The following POU6F2 variants were observed in gnomAD, a reference collection of about 807,000 sequenced individuals.
POU6F2 encodes POU domain, class 6, transcription factor 2.
POU6F2 carries 31 observed loss-of-function variants against 71.3 expected under a neutral mutation model. The observed-to-expected ratio is 0.43, with a 90% CI of 0.33 to 0.59. The LOEUF (loss-of-function observed/expected upper bound fraction) is 0.59. POU6F2 is among the 20% of genes least tolerant of loss of function. POU6F2 has a pLI of 0.04. For synonymous variants in POU6F2, 347 were observed against 355.7 expected (o/e 0.98, Z 0.27); for missense variants, 783 against 856.8 (o/e 0.91, Z 1.07).
Position 38,990,327 on chromosome 7 carries a change from T to C in POU6F2, c.105+12269T>C, listed in dbSNP as rs530655901. Among the ~76,000 whole-genome samples, 325 of 152,280 alleles carry C rather than the reference T, an allele frequency of 2.1e-3. 2 individuals are homozygous for C. The highest frequency in any genetic ancestry group is 0.01 in the Middle Eastern group (3 of 294). ...TATCTGGCTGTTTTCAACTAACCTT[T>C]TTCCTGTCAAATGGCATTTTAAACA... On this transcript the variant is annotated intron_variant, in intron 1 of 9. Coordinates refer to ENST00000518318, the MANE Select transcript of POU6F2 (RefSeq NM_001370959.1).
chr7:39,349,955 G>A (rs557391647), intron 5 of POU6F2, among the ~76,000 whole-genome samples: 2 of 152,292 alleles, frequency 1.3e-5, no homozygotes, highest in East Asian at 3.9e-4. Flanking sequence ...TTGGCCACTC[G>A]GTAGGGATGC....
chr7:39,236,728 A>T (rs537917564), intron 4 of POU6F2, among the ~76,000 whole-genome samples: 1 of 152,276 alleles, frequency 6.6e-6, no homozygotes, highest in African/African-American at 2.4e-5. Context: ...CAAATATCTC[A>T]TATACAATTC....
intron 5 of POU6F2, among the ~76,000 whole-genome samples, chr7:39,372,498 C>T (rs1445059430): frequency 2.0e-5 from 3 of 152,180 alleles, no homozygotes; most frequent in Non-Finnish European, 4.4e-5. Flanking sequence ...GGTGAGCAGG[C>T]AGAAGAATTC....
intron 4 of POU6F2, among the ~76,000 whole-genome samples, chr7:39,262,321 G>A (rs536370967): frequency 5.3e-5 from 8 of 152,268 alleles, no homozygotes; most frequent in African/African-American, 9.6e-5. Flanking sequence ...GGATCTGAAC[G>A]GCTCCAGTGA....
At chr7:39,334,397 A>T (rs182127831) in intron 4 of POU6F2, among the ~76,000 whole-genome samples, 3 of 152,190 alleles carry the variant, frequency 2.0e-5, no homozygotes, top group Non-Finnish European at 4.4e-5. Flanking sequence ...CCTCTGGAGT[A>T]CAATGTTCAA....
At chr7:39,049,441 T>C (rs1790361596) in intron 1 of POU6F2, among the ~76,000 whole-genome samples, 1 of 152,046 alleles carries the variant, frequency 6.6e-6, no homozygotes, top group Non-Finnish European at 1.5e-5. Context: ...AAGTGTGTTG[T>C]TTAATTTCCA....
intron 4 of POU6F2, among the ~76,000 whole-genome samples, chr7:39,290,250 C>T (rs1784726495): frequency 6.6e-6 from 1 of 152,176 alleles, no homozygotes; most frequent in South Asian, 2.1e-4. Flanking sequence ...TACTTGTCCC[C>T]ACCCATCCCC....
Position 39,464,234 on chromosome 7 carries a change from A to T in POU6F2, c.1711A>T (p.Thr571Ser). The T allele has an allele frequency of 6.2e-7, 1 of 1,613,944 alleles. No individual in the cohort carries two copies. Among genetic ancestry groups the T allele is most frequent in the Non-Finnish European group, 8.5e-7 (1 of 1,179,864 alleles). Residue 571 changes from threonine to serine, a missense_variant, in exon 10 of 10, where the codon ACT (threonine) becomes TCT (serine). Transcript: ENST00000518318. The surrounding 1 kb of genome is among the most constrained non-coding windows in gnomAD (Gnocchi z 4.1). ...CCTACCACAGGAAGCCCAAGAGAACACTATAGCTAGCAGTCTGACAGCCAA... is the reference window on the plus strand; with the variant it reads ...CCTACCACAGGAAGCCCAAGAGAACTCTATAGCTAGCAGTCTGACAGCCAA... ...FFLPQEAQEN[T>S]IASSLTAKLN...
chr7:39,194,687 A>C (rs911351158), intron 2 of POU6F2, among the ~76,000 whole-genome samples: 1 of 152,216 alleles, frequency 6.6e-6, no homozygotes, highest in South Asian at 2.1e-4. Flanking sequence ...GTCCCCTTCT[A>C]CGCTGTGGGA....
chr7:38,983,864 A>G (rs1453215302), intron 1 of POU6F2, among the ~76,000 whole-genome samples: 1 of 152,148 alleles, frequency 6.6e-6, no homozygotes, highest in Non-Finnish European at 1.5e-5. Context: ...GATTATTTAC[A>G]TTAAAGGAAA....
intron 1 of POU6F2, among the ~76,000 whole-genome samples, chr7:39,062,272 ATGAAAATAAT>A (rs1790673790): frequency 6.6e-6 from 1 of 152,126 alleles, no homozygotes; most frequent in African/African-American, 2.4e-5. Context: ...TTATATTACC[ATGAAAATAAT>A]TTTTATCCTG....
intron 1 of POU6F2, among the ~76,000 whole-genome samples, chr7:39,081,445 T>C (rs1291725641): frequency 6.6e-6 from 1 of 152,244 alleles, no homozygotes; most frequent in Non-Finnish European, 1.5e-5. Context: ...TGGGTATGAC[T>C]GCAGAACTCT....
At chr7:39,110,771 A>G (rs562590224) in intron 2 of POU6F2, among the ~76,000 whole-genome samples, 1 of 152,324 alleles carries the variant, frequency 6.6e-6, no homozygotes, top group Admixed American at 6.5e-5. Flanking sequence ...AAGCTCTAAT[A>G]TATATCTTTG....
At chr7:39,009,756 CT>C (rs1161835323) in intron 1 of POU6F2, among the ~76,000 whole-genome samples, 1 of 151,422 alleles carries the variant, frequency 6.6e-6, no homozygotes, top group Non-Finnish European at 1.5e-5. Flanking sequence ...TTGTCAAAGG[CT>C]TTTTCTGCAT....
At chr7:39,319,570 T>C (rs771859515) in intron 4 of POU6F2, among the ~76,000 whole-genome samples, 3 of 152,054 alleles carry the variant, frequency 2.0e-5, no homozygotes, top group Non-Finnish European at 4.4e-5. Context: ...CATGCTAGGG[T>C]TTTGTCACTC....
At chr7:39,229,437 C>T (rs1195542656) in intron 4 of POU6F2, among the ~76,000 whole-genome samples, 2 of 152,226 alleles carry the variant, frequency 1.3e-5, no homozygotes, top group Non-Finnish European at 2.9e-5. Flanking sequence ...TCTAAACCTC[C>T]TCTAGAGAAA....
At chr7:39,196,888 A>G (rs1793798733) in intron 2 of POU6F2, among the ~76,000 whole-genome samples, 1 of 152,224 alleles carries the variant, frequency 6.6e-6, no homozygotes, top group Non-Finnish European at 1.5e-5. Context: ...AAAACTAGTA[A>G]CCCAAAATTG....
At chr7:39,237,337 A>G (rs1476559182) in intron 4 of POU6F2, among the ~76,000 whole-genome samples, 6 of 152,278 alleles carry the variant, frequency 3.9e-5, no homozygotes, top group African/African-American at 9.6e-5. Context: ...TGTCAATGCA[A>G]TGTTTTACTA....
At chr7:39,090,448 G>A (rs1490410677) in intron 2 of POU6F2, among the ~76,000 whole-genome samples, 2 of 152,086 alleles carry the variant, frequency 1.3e-5, no homozygotes, top group Non-Finnish European at 2.9e-5. Context: ...ACTGCACTTG[G>A]GGGTGAGGCT....
Sources: gnomAD v4.1 joint callset for allele counts (sites outside exome capture counted in the v4.1 genomes callset) on GRCh38, gnomAD v4.1.1 for gene constraint, Gnocchi (gnomAD v3.1) non-coding constraint, MANE v1.5 for transcripts, NCBI Gene and HGNC (gene_info 2026-07-23, HGNC 2026-07-21) for gene names.